The following CYP4X1 variants were observed in gnomAD, a reference collection of about 807,000 sequenced individuals.
The protein encoded by CYP4X1 is cytochrome P450 4X1.
In CYP4X1, 44 loss-of-function variants were observed where a neutral mutation model predicts 57.9. The observed-to-expected ratio is 0.76, with a 90% CI of 0.60 to 0.98. CYP4X1 has a LOEUF of 0.98. CYP4X1 is among the 50% of genes least tolerant of loss of function. The probability of loss-of-function intolerance (pLI) is 0.00; values close to 1 mark genes in which losing one functional copy is unlikely to be tolerated. For missense variants in CYP4X1, 532 were observed against 623.9 expected, an observed-to-expected ratio of 0.85 and a Z score of 1.57; for synonymous variants, 227 against 228.6, an observed-to-expected ratio of 0.99 and a Z score of 0.06.
intron 8 of CYP4X1, 28 bp from the exon 9 acceptor site, chr1:47,046,429 TATGATATCTG>T (rs1644302251): frequency 1.2e-6 from 2 of 1,611,086 alleles, no homozygotes; most frequent in African/African-American, 2.7e-5. Context: ...GTAAACTGGT[TATGATATCTG>T]AGTCCCTTCC....
the CYP4X1 span, among the ~76,000 whole-genome samples, chr1:46,993,107 G>A: frequency 6.1e-5 from 7 of 115,552 alleles, no homozygotes; most frequent in Admixed American, 3.9e-4. Context: ...AACAGGTCCC[G>A]GTGTGTGATG....
the CYP4X1 span, chr1:46,968,024 A>C: frequency 3.5e-4 from 86 of 247,264 alleles, no homozygotes; most frequent in South Asian, 0.014. Flanking sequence ...CTGTAGGGTG[A>C]GGGTGGGCCA....
chr1:46,997,514 T>A, the CYP4X1 span, among the ~76,000 whole-genome samples: 7 of 152,226 alleles, frequency 4.6e-5, no homozygotes, highest in African/African-American at 1.4e-4. Context: ...TCATTTAGGA[T>A]AATGGCCTCC....
intron 6 of CYP4X1, among the ~76,000 whole-genome samples, chr1:47,038,255 A>G (rs1644207127): frequency 6.6e-6 from 1 of 152,044 alleles, no homozygotes; most frequent in Non-Finnish European, 1.5e-5. Context: ...TCTGTTCCAT[A>G]TTTTTGTTTT....
the CYP4X1 span, among the ~76,000 whole-genome samples, chr1:46,984,780 G>C: frequency 6.6e-6 from 1 of 152,198 alleles, no homozygotes; most frequent in African/African-American, 2.4e-5. Context: ...AAAGTGGGTG[G>C]ACATTTGGAC....
chr1:46,981,402 C>T, the CYP4X1 span, among the ~76,000 whole-genome samples: 5 of 151,900 alleles, frequency 3.3e-5, no homozygotes, highest in African/African-American at 4.8e-5. Flanking sequence ...CACTGGTCAT[C>T]AGAGAAATGC....
the CYP4X1 span, among the ~76,000 whole-genome samples, chr1:47,003,711 A>G: frequency 2.0e-5 from 3 of 151,972 alleles, no homozygotes; most frequent in Non-Finnish European, 4.4e-5. Flanking sequence ...GAACTTACTC[A>G]CTATTGTGAG....
Position 47,030,003 on chromosome 1 carries a change from A to G in CYP4X1, c.191A>G (p.Asp64Gly), listed in dbSNP as rs1644108467. Residue 64 changes from aspartate (D) to glycine (G), a missense_variant, in exon 2 of 12, where the codon GAT becomes GGT. Asp to Gly is a moderately conservative substitution (Grantham distance 94). Coordinates refer to ENST00000371901, the MANE Select transcript of CYP4X1 (RefSeq NM_178033.2). ...TTTTCACTGCAGTTTATTCAGGATG[A>G]TAACATGGAGAAGCTTGAGGAAATT... is the stretch of plus-strand genomic sequence containing the variant. ...FLGHQKFIQD[D>G]NMEKLEEIIE... is the part of the protein sequence containing the mutation. 1 of 1,613,936 alleles carries G rather than the reference A, an allele frequency of 6.2e-7. No individual in the cohort carries two copies. The highest frequency in any genetic ancestry group is 1.3e-5 in the African/African-American group (1 of 74,904).
chr1:47,002,851 T>C, the CYP4X1 span: 2 of 152,230 alleles, frequency 1.3e-5, no homozygotes, highest in African/African-American at 4.8e-5. Context: ...CCACTGCATC[T>C]AAACAATTTT....
At chr1:46,977,268 G>C in the CYP4X1 span, among the ~76,000 whole-genome samples, 1 of 152,126 alleles carries the variant, frequency 6.6e-6, no homozygotes, top group Non-Finnish European at 1.5e-5. Context: ...AAACAGTGTA[G>C]AGCAGACTTT....
intron 4 of CYP4X1, among the ~76,000 whole-genome samples, chr1:47,033,660 T>G (rs543632518): frequency 1.1e-3 from 169 of 152,316 alleles, no homozygotes; most frequent in South Asian, 7.3e-3. Flanking sequence ...ATGTGTTTCA[T>G]GGAGGGCGGG....
the CYP4X1 span, among the ~76,000 whole-genome samples, chr1:46,994,109 C>A: frequency 2.8e-4 from 43 of 152,160 alleles, no homozygotes; most frequent in African/African-American, 1.0e-3. Flanking sequence ...ATTTTTGTAT[C>A]AGGTGTAAGG....
At chr1:46,964,893 C>T in the CYP4X1 span, among the ~76,000 whole-genome samples, 16 of 152,206 alleles carry the variant, frequency 1.1e-4, no homozygotes, top group Admixed American at 8.5e-4. Flanking sequence ...TCACCCAGTT[C>T]GAGCTTCCCG....
At chr1:46,994,611 GA>G in the CYP4X1 span, 2 of 152,736 alleles carry the variant, frequency 1.3e-5, no homozygotes, top group South Asian at 4.1e-4. Flanking sequence ...TACTTGTGGG[GA>G]AGGTAAAGTG....
At chr1:46,987,761 G>GA in the CYP4X1 span, among the ~76,000 whole-genome samples, 4 of 152,202 alleles carry the variant, frequency 2.6e-5, no homozygotes, top group East Asian at 1.9e-4. Context: ...CATGGAAATT[G>GA]AAAAAACTGC....
the CYP4X1 span, among the ~76,000 whole-genome samples, chr1:46,991,019 G>A: frequency 6.6e-6 from 1 of 150,590 alleles, no homozygotes; most frequent in Non-Finnish European, 1.5e-5. Flanking sequence ...TGCACGTTCT[G>A]CACATGTATC....
At position 47,045,518 on chromosome 1, in the gene CYP4X1, T is replaced by C. The variant is rs201006469; in HGVS notation, c.1074-949T>C. 1.8e-4 allele frequency among the ~76,000 whole-genome samples: 27 copies of C among 152,310 alleles called. No individual in the cohort carries two copies. In the East Asian group the frequency reaches 4.8e-3, roughly 27 times the overall value. ...TAATACTGAAACTTTCAAATACTTA[T>C]CCACTTGAGCTCTTCTTTCCATCCC... On this transcript the variant is annotated intron_variant, in intron 8 of 11. Coordinates refer to ENST00000371901, the MANE Select transcript of CYP4X1 (RefSeq NM_178033.2).
chr1:46,978,022 T>C, the CYP4X1 span, among the ~76,000 whole-genome samples: 1 of 152,066 alleles, frequency 6.6e-6, no homozygotes, highest in Non-Finnish European at 1.5e-5. Context: ...TGCAAAAACA[T>C]GCCAGATTGT....
At chr1:47,038,627 A>G in intron 6 of CYP4X1, 33 bp from the exon 7 acceptor site, 2 of 1,532,682 alleles carry the variant, frequency 1.3e-6, no homozygotes, top group Non-Finnish European at 1.8e-6. Flanking sequence ...CTTTGCCATC[A>G]CTTTGGTAAT....
Sources: allele counts gnomAD v4.1 joint callset (sites outside exome capture counted in the v4.1 genomes callset), GRCh38; gene constraint gnomAD v4.1.1; transcripts MANE v1.5; gene names NCBI Gene and HGNC (gene_info 2026-07-23, HGNC 2026-07-21).